FBXO8: variants seen among roughly 807,000 people sequenced by gnomAD.
FBXO8 encodes F-box only protein 8.
A neutral mutation model predicts 33.4 loss-of-function variants in FBXO8; 15 were observed. The ratio of observed to expected loss-of-function variants is 0.45; its 90% CI spans 0.30 to 0.69. FBXO8 has a LOEUF of 0.69. Among genes scored for constraint, FBXO8 ranks in the 30% least tolerant of loss-of-function variants. The pLI, the probability that FBXO8 is intolerant of heterozygous loss-of-function variation, is 0.08. For missense variants in FBXO8, 274 were observed against 380.3 expected (o/e 0.72, Z 2.32); for synonymous variants, 132 against 131.5 (o/e 1.00, Z -0.02).
At chr4:174,271,510 C>G (rs1736838046) in intron 1 of FBXO8, among the ~76,000 whole-genome samples, 1 of 152,074 alleles carries the variant, frequency 6.6e-6, no homozygotes, top group Admixed American at 6.6e-5. Flanking sequence ...CACAACCTCT[C>G]CCCTCAACAC....
chr4:174,255,157 C>A lies in FBXO8; in HGVS notation c.456+4542G>T, dbSNP rs1322971307. Among the ~76,000 whole-genome samples the A allele has an allele frequency of 1.3e-5, 2 of 152,072 alleles. No individual in the cohort carries two copies. Among genetic ancestry groups the A allele is most frequent in the Non-Finnish European group, 2.9e-5 (2 of 68,006 alleles). Reference sequence around the variant, plus strand: ...TTTAACTGTGTATTCCCAAGGAATGCACTTGGGAAATGTTTATTGGTACAT... The same window carrying A: ...TTTAACTGTGTATTCCCAAGGAATGAACTTGGGAAATGTTTATTGGTACAT... On this transcript the variant is annotated intron_variant, in intron 3 of 5. Coordinates refer to ENST00000393674, the MANE Select transcript of FBXO8 (RefSeq NM_012180.3). The surrounding 1 kb of genome is among the most constrained non-coding windows in gnomAD (Gnocchi z 4.3).
At chr4:174,238,758 T>C (rs944167837) in intron 5 of FBXO8, among the ~76,000 whole-genome samples, 5 of 105,918 alleles carry the variant, frequency 4.7e-5, no homozygotes, top group Non-Finnish European at 1.1e-4. Flanking sequence ...TACATAGCCA[T>C]GTATATATAT....
intron 3 of FBXO8, among the ~76,000 whole-genome samples, chr4:174,248,125 T>C (rs1178143027): frequency 1.3e-5 from 2 of 152,206 alleles, no homozygotes; most frequent in East Asian, 1.9e-4. Flanking sequence ...GTTTTTATCC[T>C]GTCATTTCAT....
chr4:174,240,663 T>G (rs1260856441), intron 4 of FBXO8, among the ~76,000 whole-genome samples: 2 of 151,738 alleles, frequency 1.3e-5, no homozygotes. Context: ...AGTGTCTACA[T>G]GCAAATATAT....
rs1015434024 is a variant in FBXO8 at position 174,237,735 on chromosome 4, C to T, written c.773-136G>A. 3.6e-5 allele frequency: 26 copies of T among 717,922 alleles called. 1 individual carries two copies. The highest frequency in any genetic ancestry group is 2.6e-4 in the South Asian group (11 of 42,392). The allele number at this position is 717,922 out of a possible 1,614,324, so 44.5% of individuals were successfully genotyped here. A position where few individuals can be genotyped will look rare whatever the true frequency, so the allele number is the denominator to read the frequency against. On this transcript the variant is annotated intron_variant, in intron 5 of 5. Coordinates refer to ENST00000393674, the MANE Select transcript of FBXO8 (RefSeq NM_012180.3). The surrounding 1 kb of genome is among the most constrained non-coding windows in gnomAD (Gnocchi z 4.4). ...ATAAATACAGAGTGACCAATCCATC[C>T]CAGTTTGTCTAGACTCTTCCCAGTT...
rs528388481 is a variant in FBXO8 at position 174,281,305 on chromosome 4, T to A, written c.-9+2105A>T. Among the ~76,000 whole-genome samples, 2 of 152,188 alleles carry A rather than the reference T, an allele frequency of 1.3e-5. No homozygotes were observed. Among genetic ancestry groups the A allele is most frequent in the African/African-American group, 2.4e-5 (1 of 41,438 alleles). On this transcript the variant is annotated intron_variant, in intron 1 of 5. Transcript: ENST00000393674. The surrounding 1 kb of genome is among the most constrained non-coding windows in gnomAD (Gnocchi z 4.6). ...CAAATAGCTTATGAATCCTATGCAA[T>A]CTATTCTTGAAAAATACACGAACTG...
At position 174,237,833 on chromosome 4, in the gene FBXO8, T is replaced by C. The variant is rs1735922774; in HGVS notation, c.773-234A>G. Among the ~76,000 whole-genome samples, 2 of 152,096 alleles carry C rather than the reference T, an allele frequency of 1.3e-5. No homozygotes were observed. The highest frequency in any genetic ancestry group is 4.8e-5 in the African/African-American group (2 of 41,438). Reference sequence around the variant, plus strand: ...CAGGATGGTTATCATCCTATCTTAATACTAACTAAGCATGCATTTCCTTCA... The same window carrying C: ...CAGGATGGTTATCATCCTATCTTAACACTAACTAAGCATGCATTTCCTTCA... On this transcript the variant is annotated intron_variant, in intron 5 of 5. Transcript: ENST00000393674. The surrounding 1 kb of genome is among the most constrained non-coding windows in gnomAD (Gnocchi z 4.4).
Position 174,241,072 on chromosome 4 carries a change from T to C in FBXO8, c.575+28A>G. On this transcript the variant is annotated intron_variant, in intron 4 of 5. Coordinates refer to ENST00000393674, the MANE Select transcript of FBXO8 (RefSeq NM_012180.3). This position sits in a 1 kb window ranked among gnomAD's most constrained non-coding sequence, Gnocchi z 4.2. Reference sequence around the variant, plus strand: ...ATCAAAAACATTACTTAACTCATTTTGGATGAAAAGTTAATTTTCGTTTTT... The same window carrying C: ...ATCAAAAACATTACTTAACTCATTTCGGATGAAAAGTTAATTTTCGTTTTT... The C allele has an allele frequency of 7.4e-7, 1 of 1,356,640 alleles. No homozygotes were observed. The highest frequency in any genetic ancestry group is 1.0e-6 in the Non-Finnish European group (1 of 955,674). 84.0% of individuals were successfully genotyped at this position (1,356,640 alleles called of 1,614,324 possible).
At position 174,268,538 on chromosome 4, in the gene FBXO8, G is replaced by A. The variant is rs114359203; in HGVS notation, c.-8-5438C>T. On this transcript the variant is annotated intron_variant, in intron 1 of 5. Transcript: ENST00000393674. ...AGTTCCGCCTCCCTCCCAGTTTCTC[G>A]CCATTCTCCTGACTCAGCCTCCAGA... 8.5e-3 allele frequency among the ~76,000 whole-genome samples: 1,292 copies of A among 152,146 alleles called. 21 individuals are homozygous for A. Among genetic ancestry groups the A allele is most frequent in the African/African-American group, 0.03 (1,242 of 41,522 alleles).
chr4:174,247,893 C>A lies in FBXO8; in HGVS notation c.457-6675G>T, dbSNP rs1425345494. Among the ~76,000 whole-genome samples the A allele has an allele frequency of 6.6e-6, 1 of 151,954 alleles. No individual in the cohort carries two copies. On this transcript the variant is annotated intron_variant, in intron 3 of 5. Transcript: ENST00000393674. This position sits in a 1 kb window ranked among gnomAD's most constrained non-coding sequence, Gnocchi z 4.6. ...AGAATTGCTAAGGTAAATGTAAAAT[C>A]TATTAATTTTTATCAGTCCAGAAGT...
rs958349489 is a variant in FBXO8 at position 174,254,757 on chromosome 4, T to C, written c.456+4942A>G. On this transcript the variant is annotated intron_variant, in intron 3 of 5. Coordinates refer to ENST00000393674, the MANE Select transcript of FBXO8 (RefSeq NM_012180.3). The surrounding 1 kb of genome is among the most constrained non-coding windows in gnomAD (Gnocchi z 4.2). ...AGGGTTTGTTTGTTTGTTTGTTTTG[T>C]AGTAAGTACTATCAGACCAAAGGAA... 6.6e-6 allele frequency among the ~76,000 whole-genome samples: 1 copy of C among 152,102 alleles called. No individual in the cohort carries two copies. Among genetic ancestry groups the C allele is most frequent in the Non-Finnish European group, 1.5e-5 (1 of 68,004 alleles).
chr4:174,260,574 C>T (rs1482840955), intron 2 of FBXO8, among the ~76,000 whole-genome samples: 1 of 151,962 alleles, frequency 6.6e-6, no homozygotes, highest in African/African-American at 2.4e-5. Context: ...CAGAGTGATA[C>T]ATGATTGTTT....
rs1348177155 is a variant in FBXO8 at position 174,262,829 on chromosome 4, T to C, written c.264A>G (p.Ala88=). The change falls in exon 2 of 6, where the codon GCA becomes GCG. Residue 88 remains alanine, a synonymous_variant. Coordinates refer to ENST00000393674, the MANE Select transcript of FBXO8 (RefSeq NM_012180.3). This position sits in a 1 kb window ranked among gnomAD's most constrained non-coding sequence, Gnocchi z 4.6. ...LSFTILSYLN[A]TDLCLASCVW... is the part of the protein sequence containing the mutation. Reference sequence around the variant, plus strand: ...CACATGAAGCCAAGCAAAGGTCAGTTGCATTCAGGTAGGACAAGATGGTAA... The same window carrying C: ...CACATGAAGCCAAGCAAAGGTCAGTCGCATTCAGGTAGGACAAGATGGTAA... 1 of 1,613,940 alleles carries C rather than the reference T, an allele frequency of 6.2e-7. No individual in the cohort carries two copies. Among genetic ancestry groups the C allele is most frequent in the African/African-American group, 1.3e-5 (1 of 74,924 alleles).
intron 3 of FBXO8, among the ~76,000 whole-genome samples, chr4:174,243,794 G>T (rs913066841): frequency 6.6e-6 from 1 of 150,924 alleles, no homozygotes; most frequent in African/African-American, 2.4e-5. Flanking sequence ...ACATGCAAAG[G>T]AAATCATTAG....
chr4:174,254,859 T>G lies in FBXO8; in HGVS notation c.456+4840A>C, dbSNP rs901943163. On this transcript the variant is annotated intron_variant, in intron 3 of 5. Coordinates refer to ENST00000393674, the MANE Select transcript of FBXO8 (RefSeq NM_012180.3). The surrounding 1 kb of genome is among the most constrained non-coding windows in gnomAD (Gnocchi z 4.2). Reference sequence around the variant, plus strand: ...ATAACTGCAAGTGAACAACAGGGTATTTCAACCATTCTAAAATATTTATTT... The same window carrying G: ...ATAACTGCAAGTGAACAACAGGGTAGTTCAACCATTCTAAAATATTTATTT... Among the ~76,000 whole-genome samples the G allele has an allele frequency of 6.6e-6, 1 of 152,166 alleles. No homozygotes were observed. Among genetic ancestry groups the G allele is most frequent in the Non-Finnish European group, 1.5e-5 (1 of 68,006 alleles).
At chr4:174,246,170 C>T (rs1402825347) in intron 3 of FBXO8, among the ~76,000 whole-genome samples, 9 of 151,876 alleles carry the variant, frequency 5.9e-5, no homozygotes. Context: ...AACAGGGTGT[C>T]TAGTGCAATT....
rs560122980 is a variant in FBXO8 at position 174,247,813 on chromosome 4, A to G, written c.457-6595T>C. Among the ~76,000 whole-genome samples, 4 of 152,074 alleles carry G rather than the reference A, an allele frequency of 2.6e-5. No individual in the cohort carries two copies. Among genetic ancestry groups the G allele is most frequent in the Non-Finnish European group, 5.9e-5 (4 of 67,958 alleles). The stretch of plus-strand genomic sequence containing the variant: ...CATTGTTTTGTTTGCAAATAGCAGC[A>G]GCAATGGTTAAGATGACTGCTCTGA... On this transcript the variant is annotated intron_variant, in intron 3 of 5. Transcript: ENST00000393674. This position sits in a 1 kb window ranked among gnomAD's most constrained non-coding sequence, Gnocchi z 4.6.
Position 174,262,983 on chromosome 4 carries a change from T to C in FBXO8, c.110A>G (p.Asn37Ser), listed in dbSNP as rs1156771366. The C allele has an allele frequency of 2.5e-6, 4 of 1,614,064 alleles. 1 individual carries two copies. Among genetic ancestry groups the C allele is most frequent in the Non-Finnish European group, 8.5e-7 (1 of 1,179,930 alleles). Residue 37 changes from asparagine to serine, a missense_variant, in exon 2 of 6, where the codon AAC becomes AGC. Physicochemically the swap from Asn to Ser is conservative, Grantham distance 46. This residue lies in a region of FBXO8 where 88 missense variants were observed against 86.9 expected (regional missense o/e 1.01). Coordinates refer to ENST00000393674, the MANE Select transcript of FBXO8 (RefSeq NM_012180.3). This position sits in a 1 kb window ranked among gnomAD's most constrained non-coding sequence, Gnocchi z 4.6. ...REQSRRMAAS[N>S]ISNTNHRKQV... ...TTTACGATGATTGGTGTTAGAAATG[T>C]TGCTCGCAGCCATTCTCCTGCTCTG...
At position 174,267,970 on chromosome 4, in the gene FBXO8, T is replaced by TCA. The variant is rs1321203682; in HGVS notation, c.-8-4871_-8-4870insTG. Among the ~76,000 whole-genome samples the TCA allele has an allele frequency of 6.6e-6, 1 of 152,244 alleles. No individual in the cohort carries two copies. Among genetic ancestry groups the TCA allele is most frequent in the African/African-American group, 2.4e-5 (1 of 41,456 alleles). On this transcript the variant is annotated intron_variant, in intron 1 of 5. Coordinates refer to ENST00000393674, the MANE Select transcript of FBXO8 (RefSeq NM_012180.3). The surrounding 1 kb of genome is among the most constrained non-coding windows in gnomAD (Gnocchi z 4.7). ...ATTTTGTGATGAAACTACAGCTTTA[T>TCA]TTGTTCACTCAAAATAGGTGGAGAA...
Sources: allele counts gnomAD v4.1 joint callset (sites outside exome capture counted in the v4.1 genomes callset), GRCh38; gene constraint gnomAD v4.1.1; regional missense constraint gnomAD v4.1.1; non-coding constraint Gnocchi (gnomAD v3.1); transcripts MANE v1.5; gene names NCBI Gene and HGNC (gene_info 2026-07-23, HGNC 2026-07-21).